CHURC1: variants seen among roughly 807,000 people sequenced by gnomAD.
The protein encoded by CHURC1 is protein Churchill.
CHURC1 carries 12 observed loss-of-function variants against 15.4 expected under a neutral mutation model. The ratio of observed to expected loss-of-function variants is 0.78; its 90% CI spans 0.50 to 1.27. The LOEUF (loss-of-function observed/expected upper bound fraction) is 1.27, where lower values mean the gene tolerates loss of function less well. CHURC1 is among the 50% of genes most tolerant of loss of function. The pLI, the probability that CHURC1 is intolerant of heterozygous loss-of-function variation, is 0.00. For missense variants in CHURC1, 132 were observed against 137.8 expected, an observed-to-expected ratio of 0.96 and a Z score of 0.21; for synonymous variants, 42 against 47.5, an observed-to-expected ratio of 0.88 and a Z score of 0.48.
intron 3 of CHURC1, chr14:64,930,792 T>C (rs1381058775): frequency 4.4e-6 from 2 of 450,516 alleles, no homozygotes; most frequent in Non-Finnish European, 8.9e-6. Context: ...CTTCTTTTCC[T>C]GTAAAAGGTT....
intron 3 of CHURC1, among the ~76,000 whole-genome samples, chr14:64,930,595 GT>G (rs546681019): frequency 6.6e-6 from 1 of 152,126 alleles, no homozygotes; most frequent in African/African-American, 2.4e-5. Flanking sequence ...TATATGTTAG[GT>G]TTTTTCCCCC....
intron 3 of CHURC1, among the ~76,000 whole-genome samples, chr14:64,926,526 T>C (rs559755400): frequency 9.2e-5 from 14 of 152,338 alleles, no homozygotes; most frequent in Middle Eastern, 6.8e-3. Context: ...AGATTACCAT[T>C]GTGCTGCTTT....
intron 3 of CHURC1, among the ~76,000 whole-genome samples, chr14:64,929,895 A>T (rs2139915175): frequency 6.6e-6 from 1 of 151,720 alleles, no homozygotes; most frequent in Admixed American, 6.6e-5. Flanking sequence ...ATGATAAATT[A>T]TTATAGGTAT....
chr14:64,932,207 C>G lies in CHURC1; in HGVS notation c.316C>G (p.Arg106Gly). The part of the protein sequence containing the change: ...DTISILPDDP[R>G]QMTLLF ...TATCAGTATTCTCCCTGATGACCCC[C>G]GACAAATGACTCTCTTATTCTAAGG... Residue 106 changes from arginine (R) to glycine (G), a missense_variant, in exon 4 of 4, where the codon CGA (arginine) becomes GGA (glycine). Physicochemically the swap from Arg to Gly is moderately radical, Grantham distance 125. Coordinates refer to ENST00000549115, the MANE Select transcript of CHURC1 (RefSeq NM_001386928.1). 1 of 1,613,982 alleles carries G rather than the reference C, an allele frequency of 6.2e-7. No homozygotes were observed. The highest frequency in any genetic ancestry group is 8.5e-7 in the Non-Finnish European group (1 of 1,179,928).
chr14:64,933,751 T>C lies in CHURC1; in HGVS notation c.*1521T>C, dbSNP rs1885201638. 4.1e-6 allele frequency: 4 copies of C among 985,290 alleles called. No homozygotes were observed. The highest frequency in any genetic ancestry group is 1.2e-4 in the Admixed American group (2 of 16,266). 61.0% of individuals were successfully genotyped at this position (985,290 alleles called of 1,614,324 possible). A position where few individuals can be genotyped will look rare whatever the true frequency, so the allele number is the denominator to read the frequency against. On this transcript the variant is annotated 3_prime_UTR_variant, in exon 4 of 4. Transcript: ENST00000549115. Reference sequence around the variant, plus strand: ...TCTAGGAGATTTGGAAATTCTGAACTAAGGTCTTATAAGAACAAGAAATGA... The same window carrying C: ...TCTAGGAGATTTGGAAATTCTGAACCAAGGTCTTATAAGAACAAGAAATGA...
rs2139925431 is a variant in CHURC1 at position 64,933,553 on chromosome 14, T to G, written c.*1323T>G. ...TTCTATCAAATTGGACTAACAAAAA[T>G]TGATATAATACATTCATCACAGTAT... On this transcript the variant is annotated 3_prime_UTR_variant, in exon 4 of 4. Transcript: ENST00000549115. The G allele has an allele frequency of 1.0e-6, 1 of 977,566 alleles. No individual in the cohort carries two copies. 60.6% of individuals were successfully genotyped at this position (977,566 alleles called of 1,614,324 possible). A position where few individuals can be genotyped will look rare whatever the true frequency, so the allele number is the denominator to read the frequency against.
chr14:64,927,865 G>A (rs1273684095), intron 3 of CHURC1, among the ~76,000 whole-genome samples: 2 of 151,994 alleles, frequency 1.3e-5, no homozygotes, highest in African/African-American at 4.8e-5. Flanking sequence ...GAGTCCAAGT[G>A]TTTGAGTACA....
intron 3 of CHURC1, among the ~76,000 whole-genome samples, chr14:64,929,948 CA>C (rs1555383893): frequency 2.5e-5 from 3 of 120,320 alleles, no homozygotes; most frequent in Non-Finnish European, 3.4e-5. Context: ...AGCCCCCCCC[CA>C]CACACACACC....
rs373972025 is a variant in CHURC1 at position 64,932,187 on chromosome 14, G to C, written c.296G>C (p.Ser99Thr). The C allele has an allele frequency of 1.1e-5, 17 of 1,613,884 alleles. No individual in the cohort carries two copies. Among genetic ancestry groups the C allele is most frequent in the Non-Finnish European group, 1.3e-5 (15 of 1,179,918 alleles). Residue 99 changes from serine (S) to threonine (T), a missense_variant, in exon 4 of 4, where the codon AGT becomes ACT. By Grantham distance (58) the Ser-to-Thr change is moderately conservative. Transcript: ENST00000549115. Reference protein sequence around the residue: ...LLCGKAEDTISILPDDPRQMT... With the variant: ...LLCGKAEDTITILPDDPRQMT... ...TGCGGCAAAGCCGAAGATACTATCAGTATTCTCCCTGATGACCCCCGACAA... is the reference window on the plus strand; with the variant it reads ...TGCGGCAAAGCCGAAGATACTATCACTATTCTCCCTGATGACCCCCGACAA...
At chr14:64,925,890 A>G (rs983112803) in intron 2 of CHURC1, 120 bp from the exon 3 acceptor site, 40 of 629,810 alleles carry the variant, frequency 6.4e-5, no homozygotes, top group Middle Eastern at 4.5e-4. Context: ...GTTTCCTCCT[A>G]TGTTAAATAT....
intron 3 of CHURC1, among the ~76,000 whole-genome samples, chr14:64,928,814 C>G (rs866945359): frequency 6.6e-6 from 1 of 152,068 alleles, no homozygotes; most frequent in Non-Finnish European, 1.5e-5. Flanking sequence ...TTAACTGCTC[C>G]TTTGTGTTTT....
At chr14:64,916,057 A>G (rs117465819) in intron 1 of CHURC1, among the ~76,000 whole-genome samples, 1,537 of 152,336 alleles carry the variant, frequency 0.01, 12 homozygotes, top group Non-Finnish European at 0.015. Flanking sequence ...CCACCACAAC[A>G]AAGTATCACT....
At chr14:64,916,926 A>G (rs1481302214) in intron 1 of CHURC1, among the ~76,000 whole-genome samples, 1 of 152,180 alleles carries the variant, frequency 6.6e-6, no homozygotes, top group African/African-American at 2.4e-5. Context: ...TAAAAGTCAT[A>G]TTGAGAAGTT....
At chr14:64,918,474 AAG>A in intron 1 of CHURC1, among the ~76,000 whole-genome samples, 1 of 152,196 alleles carries the variant, frequency 6.6e-6, no homozygotes, top group East Asian at 1.9e-4. Flanking sequence ...TAAGTGCAGT[AAG>A]AGCAGAAGCC....
Position 64,914,469 on chromosome 14 carries a change from A to C in CHURC1, c.-27A>C, listed in dbSNP as rs1883714130. ...GGTTTCGTCTTCCCGGAAGCGTTGG[A>C]GGACATTCCCTGTTGACTGCGTCGC... On this transcript the variant is annotated 5_prime_UTR_variant, in exon 1 of 4. Transcript: ENST00000549115. 1.2e-6 allele frequency: 2 copies of C among 1,614,120 alleles called. No individual in the cohort carries two copies. The highest frequency in any genetic ancestry group is 2.2e-5 in the South Asian group (2 of 91,092).
chr14:64,928,383 G>C (rs1462503028), intron 3 of CHURC1, among the ~76,000 whole-genome samples: 1 of 152,128 alleles, frequency 6.6e-6, no homozygotes, highest in Non-Finnish European at 1.5e-5. Context: ...GAGTAGCTGA[G>C]ACTACAGGCA....
chr14:64,914,707 C>T (rs915796242), intron 1 of CHURC1, among the ~76,000 whole-genome samples, 173 bp downstream of exon 1: 1 of 152,248 alleles, frequency 6.6e-6, no homozygotes. Context: ...GTCTGCACCT[C>T]TGGTACCCGC....
At chr14:64,921,676 G>A (rs184473992) in intron 1 of CHURC1, among the ~76,000 whole-genome samples, 82 of 152,296 alleles carry the variant, frequency 5.4e-4, no homozygotes, top group Non-Finnish European at 7.9e-4. Context: ...TAGCTATAGA[G>A]CAACTGGAAC....
intron 1 of CHURC1, 51 bp from the exon 2 acceptor site, chr14:64,923,940 C>G (rs1204823849): frequency 5.5e-6 from 8 of 1,466,958 alleles, no homozygotes; most frequent in Non-Finnish European, 7.3e-6. Flanking sequence ...ATCATCTTCA[C>G]TAAAGATTTT....
Sources: gnomAD v4.1 joint callset for allele counts (sites outside exome capture counted in the v4.1 genomes callset) on GRCh38, gnomAD v4.1.1 for gene constraint, MANE v1.5 for transcripts, NCBI Gene and HGNC (gene_info 2026-07-23, HGNC 2026-07-21) for gene names.